Variants in SLC44A1 observed in about 807,000 individuals in gnomAD.
SLC44A1 encodes solute carrier family 44 member 1.
A neutral mutation model predicts 79.3 loss-of-function variants in SLC44A1; 26 were observed. That is an observed-to-expected ratio of 0.33 (90% confidence interval 0.24 to 0.46). The LOEUF (loss-of-function observed/expected upper bound fraction) is 0.46. SLC44A1 is among the 20% of genes least tolerant of loss of function. SLC44A1 has a pLI of 1.00. For synonymous variants in SLC44A1, 263 were observed against 286.2 expected, an observed-to-expected ratio of 0.92 and a Z score of 0.82; for missense variants, 688 against 798.1, an observed-to-expected ratio of 0.86 and a Z score of 1.66.
In SLC44A1 at chr9:105,390,672, TCTTTA is replaced by T; in HGVS notation, c.*1619_*1623del. 2 of 985,632 alleles carry T rather than the reference TCTTTA, an allele frequency of 2.0e-6. No homozygotes were observed. The highest frequency in any genetic ancestry group is 2.4e-6 in the Non-Finnish European group (2 of 829,750). The allele number at this position is 985,632 out of a possible 1,614,324, so 61.1% of individuals were successfully genotyped here. A position where few individuals can be genotyped will look rare whatever the true frequency, so the allele number is the denominator to read the frequency against. ...TGTATTTTTTTTTAAGTATTGGTGT[TCTTTA>T]CTCTAGCTAGGCTAAAATTTGCTAA... On this transcript the variant is annotated 3_prime_UTR_variant, in exon 16 of 16. Transcript: ENST00000374720.
chr9:105,419,960 G>T (rs1277757674), intron 15 of SLC44A1, among the ~76,000 whole-genome samples: 1 of 150,178 alleles, frequency 6.7e-6, no homozygotes, highest in African/African-American at 2.5e-5. Context: ...TTTCCATGCT[G>T]CCTGCTCTGA....
At position 105,392,895 on chromosome 9, in the gene SLC44A1, A is replaced by T. The variant is rs1051127406; in HGVS notation, c.*3839A>T. The T allele has an allele frequency of 3.0e-6, 3 of 985,228 alleles. No individual in the cohort carries two copies. In the Admixed American group the frequency reaches 1.8e-4, roughly 61 times the overall value. The allele number at this position is 985,228 out of a possible 1,614,324, so 61.0% of individuals were successfully genotyped here. On this transcript the variant is annotated 3_prime_UTR_variant, in exon 16 of 16. Coordinates refer to ENST00000374720, the MANE Select transcript of SLC44A1 (RefSeq NM_080546.5). ...TGGCCTCTGAGAAGTTTCCTCCAGA[A>T]AGGTCTTTAAGCTTTCGCTTTTCAA...
At chr9:105,405,146 T>C (rs1435093747) in intron 15 of SLC44A1, among the ~76,000 whole-genome samples, 1 of 151,876 alleles carries the variant, frequency 6.6e-6, no homozygotes, top group African/African-American at 2.4e-5. Flanking sequence ...ATGGTGAAAC[T>C]ACATCTCTAC....
intron 1 of SLC44A1, among the ~76,000 whole-genome samples, chr9:105,267,725 A>G (rs1041744297): frequency 2.6e-5 from 4 of 151,850 alleles, no homozygotes; most frequent in African/African-American, 4.8e-5. Context: ...CCTGTTTGTC[A>G]TGGTAAAAGA....
intron 15 of SLC44A1, among the ~76,000 whole-genome samples, chr9:105,411,233 TAGA>T (rs1338601432): frequency 6.6e-6 from 1 of 152,318 alleles, no homozygotes; most frequent in African/African-American, 2.4e-5. Flanking sequence ...ACAGAAAAGT[TAGA>T]AGAATAGTTC....
At chr9:105,388,384 G>A (rs886091308) in intron 15 of SLC44A1, among the ~76,000 whole-genome samples, 2 of 152,168 alleles carry the variant, frequency 1.3e-5, no homozygotes, top group African/African-American at 2.4e-5. Flanking sequence ...TATTGTTGCT[G>A]TAGATGAAAG....
Position 105,348,445 on chromosome 9 carries a change from C to T in SLC44A1, c.494C>T (p.Pro165Leu). 6.3e-7 allele frequency: 1 copy of T among 1,594,900 alleles called. No homozygotes were observed. The highest frequency in any genetic ancestry group is 8.6e-7 in the Non-Finnish European group (1 of 1,162,978). ...SSVLCPKLPV[P>L]ASAPIPFFHR... Reference sequence around the variant, plus strand: ...GTTCTCTGCCCCAAACTACCAGTTCCAGCGAGGTAAATTTTATTGCAAAGT... The same window carrying T: ...GTTCTCTGCCCCAAACTACCAGTTCTAGCGAGGTAAATTTTATTGCAAAGT... The change falls in exon 5 of 16, where the codon CCA becomes CTA. Residue 165 changes from proline (P) to leucine (L), a missense_variant. Transcript: ENST00000374720.
intron 15 of SLC44A1, among the ~76,000 whole-genome samples, chr9:105,411,479 T>TGTGC (rs10595594): frequency 6.7e-6 from 1 of 149,788 alleles, no homozygotes; most frequent in Non-Finnish European, 1.5e-5. Flanking sequence ...TGTGTGTGTG[T>TGTGC]GTGCGTGTGC....
At chr9:105,358,944 A>T (rs1588829195) in intron 7 of SLC44A1, among the ~76,000 whole-genome samples, 2 of 152,256 alleles carry the variant, frequency 1.3e-5, no homozygotes, top group East Asian at 3.9e-4. Context: ...ATAAGATGAT[A>T]TATGTTGAGT....
intron 1 of SLC44A1, among the ~76,000 whole-genome samples, chr9:105,268,556 T>C (rs987230420): frequency 6.6e-6 from 1 of 152,164 alleles, no homozygotes; most frequent in Non-Finnish European, 1.5e-5. Flanking sequence ...CAGGCTGGAA[T>C]GCAGTGGCGC....
At chr9:105,277,002 T>C (rs1830221356) in intron 1 of SLC44A1, among the ~76,000 whole-genome samples, 1 of 152,220 alleles carries the variant, frequency 6.6e-6, no homozygotes, top group Admixed American at 6.5e-5. Flanking sequence ...TAGAAGGCTA[T>C]TGCAGTAATA....
chr9:105,416,165 G>A (rs764291755), intron 15 of SLC44A1, among the ~76,000 whole-genome samples: 8 of 151,964 alleles, frequency 5.3e-5, no homozygotes, highest in African/African-American at 9.7e-5. Context: ...CCAAAGTGCC[G>A]GGATTACAGG....
At position 105,391,254 on chromosome 9, in the gene SLC44A1, A is replaced by G. The variant is rs1320901102; in HGVS notation, c.*2198A>G. Reference sequence around the variant, plus strand: ...CCCTGTTCCATATGCTCGCAATCTCAGCTATTTGGAAGCTACCAGGAATGC... The same window carrying G: ...CCCTGTTCCATATGCTCGCAATCTCGGCTATTTGGAAGCTACCAGGAATGC... On this transcript the variant is annotated 3_prime_UTR_variant, in exon 16 of 16. Transcript: ENST00000374720. 2.4e-5 allele frequency: 24 copies of G among 982,970 alleles called. No homozygotes were observed. Among genetic ancestry groups the G allele is most frequent in the Non-Finnish European group, 2.9e-5 (24 of 827,480 alleles). The allele number at this position is 982,970 out of a possible 1,614,324, so 60.9% of individuals were successfully genotyped here. A position where few individuals can be genotyped will look rare whatever the true frequency, so the allele number is the denominator to read the frequency against.
chr9:105,418,552 T>TTTTGGGTATGGAGTCTGACAG (rs1322906625), intron 15 of SLC44A1, among the ~76,000 whole-genome samples: 1 of 152,122 alleles, frequency 6.6e-6, no homozygotes, highest in African/African-American at 2.4e-5. Flanking sequence ...TTTTGAGCTG[T>TTTTGGGTATGGAGTCTGACAG]TTTGGGTATG....
intron 3 of SLC44A1, among the ~76,000 whole-genome samples, chr9:105,317,024 C>T (rs1831346081): frequency 2.0e-5 from 3 of 152,062 alleles, no homozygotes; most frequent in African/African-American, 7.2e-5. Context: ...TCTTGAGGTT[C>T]TAGGGAATGA....
chr9:105,292,425 A>T (rs1364521274), intron 1 of SLC44A1, among the ~76,000 whole-genome samples: 2 of 152,200 alleles, frequency 1.3e-5, no homozygotes, highest in Non-Finnish European at 2.9e-5. Flanking sequence ...TTTAGTGTGT[A>T]AAAAAATCTT....
intron 3 of SLC44A1, among the ~76,000 whole-genome samples, chr9:105,318,062 A>C (rs1226290756): frequency 6.6e-6 from 1 of 152,190 alleles, no homozygotes; most frequent in Non-Finnish European, 1.5e-5. Flanking sequence ...GCCTAGATAG[A>C]TACCTCACAT....
chr9:105,284,350 C>A (rs955108345), intron 1 of SLC44A1, among the ~76,000 whole-genome samples: 5 of 151,948 alleles, frequency 3.3e-5, no homozygotes. Context: ...TAGGCATGAG[C>A]CACTGCACCC....
At position 105,391,493 on chromosome 9, in the gene SLC44A1, C is replaced by T. The variant is rs1828761102; in HGVS notation, c.*2437C>T. On this transcript the variant is annotated 3_prime_UTR_variant, in exon 16 of 16. Transcript: ENST00000374720. ...TGTTTTCCTTAAGTAAATTCATGTGCCGTGTAGAAATATGCAGATATGCAT... is the reference window on the plus strand; with the variant it reads ...TGTTTTCCTTAAGTAAATTCATGTGTCGTGTAGAAATATGCAGATATGCAT... 1.0e-6 allele frequency: 1 copy of T among 985,498 alleles called. No homozygotes were observed. Among genetic ancestry groups the T allele is most frequent in the Non-Finnish European group, 1.2e-6 (1 of 829,790 alleles). The allele number at this position is 985,498 out of a possible 1,614,324, so 61.0% of individuals were successfully genotyped here.
Sources: gnomAD v4.1 joint callset for allele counts (sites outside exome capture counted in the v4.1 genomes callset) on GRCh38, gnomAD v4.1.1 for gene constraint, MANE v1.5 for transcripts, NCBI Gene and HGNC (gene_info 2026-07-23, HGNC 2026-07-21) for gene names.